ZMYM2: variants seen among roughly 807,000 people sequenced by gnomAD.
ZMYM2 encodes the protein zinc finger MYM-type containing 2.
In ZMYM2, 56 loss-of-function variants were observed where a neutral mutation model predicts 162.8. The ratio of observed to expected loss-of-function variants is 0.34; its 90% confidence interval spans 0.28 to 0.43. The LOEUF (loss-of-function observed/expected upper bound fraction) is 0.43, where lower values mean the gene tolerates loss of function less well. Among genes scored for constraint, ZMYM2 ranks in the 20% least tolerant of loss-of-function variants. The pLI, the probability that ZMYM2 is intolerant of heterozygous loss-of-function variation, is 1.00. For synonymous variants in ZMYM2, 510 were observed against 541.6 expected (o/e 0.94, Z 0.81); for missense variants, 1,275 against 1,621.8 (o/e 0.79, Z 3.67).
chr13:19,888,860 A>C, the ZMYM2 span, among the ~76,000 whole-genome samples: 1 of 151,752 alleles, frequency 6.6e-6, no homozygotes, highest in Non-Finnish European at 1.5e-5. Context: ...CGGCCTCCCA[A>C]AGGCTGGGAT....
At chr13:19,926,257 G>A in the ZMYM2 span, among the ~76,000 whole-genome samples, 1 of 149,938 alleles carries the variant, frequency 6.7e-6, no homozygotes, top group African/African-American at 2.5e-5. Context: ...CACTGCGCCT[G>A]ACCAAGGGTT....
chr13:20,035,421 GTTAT>G (rs371762142), intron 11 of ZMYM2, among the ~76,000 whole-genome samples: 8 of 152,222 alleles, frequency 5.3e-5, no homozygotes, highest in East Asian at 3.9e-4. Flanking sequence ...ATGTTTCGCT[GTTAT>G]TTAAGAGTAA....
At position 20,072,411 on chromosome 13, in the gene ZMYM2, CT is replaced by C. The variant is rs1464731237; in HGVS notation, c.3453+5023del. On this transcript the variant is annotated intron_variant, in intron 21 of 24. Coordinates refer to ENST00000610343, the MANE Select transcript of ZMYM2 (RefSeq NM_197968.4). ...TGGCGAGCACCTGTAGTCCCAGCTA[CT>C]TGGGAGGCTGAGGCTGGAGAATTGC... Among the ~76,000 whole-genome samples the C allele has an allele frequency of 5.9e-5, 9 of 152,278 alleles. 1 individual carries two copies. The East Asian group carries it at 1.5e-3, about 26-fold the overall frequency.
At chr13:19,994,881 G>A (rs1249178791) in intron 3 of ZMYM2, among the ~76,000 whole-genome samples, 1 of 151,908 alleles carries the variant, frequency 6.6e-6, no homozygotes, top group African/African-American at 2.4e-5. Flanking sequence ...CGCCCAGAGT[G>A]GAGTAGAGTG....
chr13:19,880,041 C>A, the ZMYM2 span, among the ~76,000 whole-genome samples: 1 of 152,164 alleles, frequency 6.6e-6, no homozygotes, highest in South Asian at 2.1e-4. Context: ...CTTGGTCTTG[C>A]GCCTTTAGAC....
rs546805154 is a variant in ZMYM2, at chr13:19,987,009, G to A, written c.-10-6054G>A. On this transcript the variant is annotated intron_variant, in intron 2 of 24. Transcript: ENST00000610343. ...AATCCCAGCTACTCAGGAGGCTGAG[G>A]CAGGAAAATTGCTTGAACCTGGGAG... Among the ~76,000 whole-genome samples the A allele has an allele frequency of 5.4e-5, 8 of 149,022 alleles. No individual in the cohort carries two copies. In the South Asian group the frequency reaches 1.5e-3, roughly 28 times the overall value.
chr13:20,030,826 G>A (rs1953062387), intron 9 of ZMYM2, among the ~76,000 whole-genome samples: 2 of 152,126 alleles, frequency 1.3e-5, no homozygotes, highest in African/African-American at 2.4e-5. Flanking sequence ...GAGCCACTGC[G>A]CCTGGCCAAC....
intron 21 of ZMYM2, among the ~76,000 whole-genome samples, chr13:20,078,327 G>A (rs933123588): frequency 1.5e-3 from 53 of 36,086 alleles, no homozygotes; most frequent in African/African-American, 2.1e-3. Flanking sequence ...AGACTTAGAA[G>A]TAGAATCTAT....
At chr13:19,882,443 G>A in the ZMYM2 span, among the ~76,000 whole-genome samples, 9 of 152,186 alleles carry the variant, frequency 5.9e-5, 1 homozygote, top group South Asian at 1.7e-3. Context: ...TTAGAAAAAT[G>A]AGTATTAAAA....
chr13:19,871,578 A>G, the ZMYM2 span, among the ~76,000 whole-genome samples: 1 of 152,112 alleles, frequency 6.6e-6, no homozygotes, highest in Non-Finnish European at 1.5e-5. Context: ...TAGAAACTGC[A>G]TGCACCTTAC....
chr13:20,051,737 G>A (rs1323560), intron 13 of ZMYM2, 139 bp downstream of exon 13: 645,642 of 803,084 alleles, frequency 0.8, 270,001 homozygotes, highest in Non-Finnish European at 0.86. Context: ...TCTCTGGGTC[G>A]AAGTACCCTT....
At position 20,087,282 on chromosome 13, in the gene ZMYM2, AC is replaced by A. The variant is rs901092768; in HGVS notation, c.*1269del. 1.1e-5 allele frequency: 2 copies of A among 189,012 alleles called. No homozygotes were observed. The highest frequency in any genetic ancestry group is 6.1e-5 in the Admixed American group (1 of 16,262). 11.7% of individuals were successfully genotyped at this position (189,012 alleles called of 1,614,324 possible). On this transcript the variant is annotated 3_prime_UTR_variant, in exon 25 of 25. Transcript: ENST00000610343. ...ATAGAAGATTGCATTAAAAAAAAAA[AC>A]AACTTTGTGCTTCTGCATAGCAATT...
intron 6 of ZMYM2, among the ~76,000 whole-genome samples, chr13:20,009,750 A>T (rs1042178107): frequency 1.3e-5 from 2 of 152,216 alleles, no homozygotes; most frequent in Non-Finnish European, 2.9e-5. Flanking sequence ...GAACATCATT[A>T]CTTTTTATGG....
chr13:19,920,795 G>T, the ZMYM2 span, among the ~76,000 whole-genome samples: 1 of 151,894 alleles, frequency 6.6e-6, no homozygotes, highest in South Asian at 2.1e-4. Flanking sequence ...ACTGTGTCTC[G>T]CTCTGTCTCC....
At chr13:20,011,573 G>GTTTTTTTTTTTTTTTTTTTTTT (rs764404253) in intron 6 of ZMYM2, among the ~76,000 whole-genome samples, 1 of 144,204 alleles carries the variant, frequency 6.9e-6, no homozygotes, top group African/African-American at 2.6e-5. Context: ...TTATTTTTTT[G>GTTTTTTTTTTTTTTTTTTTTTT]TTTTATTTTT....
At chr13:19,923,500 C>A in the ZMYM2 span, among the ~76,000 whole-genome samples, 2 of 145,684 alleles carry the variant, frequency 1.4e-5, no homozygotes, top group African/African-American at 5.0e-5. Flanking sequence ...CTATATATAT[C>A]TATATCTATT....
intron 18 of ZMYM2, 130 bp from the exon 19 acceptor site, chr13:20,064,321 T>C (rs1341514468): frequency 1.2e-5 from 7 of 569,906 alleles, no homozygotes; most frequent in Non-Finnish European, 2.0e-5. Flanking sequence ...AGTCATTTAC[T>C]CCCCAGCCCA....
At chr13:20,021,363 C>T in intron 7 of ZMYM2, among the ~76,000 whole-genome samples, 3 of 100,178 alleles carry the variant, frequency 3.0e-5, no homozygotes, top group South Asian at 3.8e-4. Context: ...GTCATGTTTT[C>T]CTGCTTTTTT....
intron 18 of ZMYM2, among the ~76,000 whole-genome samples, chr13:20,064,111 A>AT (rs1332191961): frequency 6.6e-6 from 1 of 151,736 alleles, no homozygotes; most frequent in Non-Finnish European, 1.5e-5. Flanking sequence ...GTAAAACATT[A>AT]GTTTTTGGAA....
Sources: allele counts gnomAD v4.1 joint callset (sites outside exome capture counted in the v4.1 genomes callset), GRCh38; gene constraint gnomAD v4.1.1; transcripts MANE v1.5; gene names NCBI Gene and HGNC (gene_info 2026-07-23, HGNC 2026-07-21).